ARID4B: variants seen among roughly 807,000 people sequenced by gnomAD.
The protein encoded by ARID4B is AT-rich interactive domain-containing protein 4B.
In ARID4B, 26 loss-of-function variants were observed where a neutral mutation model predicts 147.5. That is an observed-to-expected ratio of 0.18 (90% CI 0.13 to 0.24). The LOEUF is 0.24. ARID4B is among the 10% of genes least tolerant of loss of function. ARID4B has a pLI of 1.00. For missense variants in ARID4B, 1,179 were observed against 1,511.5 expected (o/e 0.78, Z 3.65); for synonymous variants, 512 against 507.9 (o/e 1.01, Z -0.11).
intron 12 of ARID4B, among the ~76,000 whole-genome samples, chr1:235,223,684 C>CGTTTTTTTTT (rs149769753): frequency 1.2e-4 from 14 of 117,148 alleles, no homozygotes; most frequent in Middle Eastern, 4.5e-3. Context: ...AGTAAAGCTA[C>CGTTTTTTTTT]ATTTTTTTTT....
chr1:235,223,139 A>G, intron 13 of ARID4B, 27 bp downstream of exon 13: 2 of 1,409,582 alleles, frequency 1.4e-6, no homozygotes, highest in Non-Finnish European at 2.0e-6. Context: ...CATGAAAAAG[A>G]TGTTTCAGTT....
Position 235,247,975 on chromosome 1 carries a change from C to T in ARID4B, c.355-1464G>A, listed in dbSNP as rs547182082. Among the ~76,000 whole-genome samples the T allele has an allele frequency of 1.7e-4, 26 of 152,066 alleles. No individual in the cohort carries two copies. In the East Asian group the frequency reaches 5.0e-3, roughly 29 times the overall value. ...TGCACTCCAGCCTGTGCAACAAGAGCGAAATTCCATCTCAAAAAATAAAAA... is the reference window on the plus strand; with the variant it reads ...TGCACTCCAGCCTGTGCAACAAGAGTGAAATTCCATCTCAAAAAATAAAAA... On this transcript the variant is annotated intron_variant, in intron 6 of 23. Transcript: ENST00000264183.
At chr1:235,184,727 A>G (rs968743185) in intron 19 of ARID4B, among the ~76,000 whole-genome samples, 4 of 152,234 alleles carry the variant, frequency 2.6e-5, no homozygotes, top group Non-Finnish European at 5.9e-5. Context: ...AAAACCAAAA[A>G]GAGGATAAAA....
At chr1:235,283,187 T>C (rs1407750665) in intron 2 of ARID4B, among the ~76,000 whole-genome samples, 1 of 152,190 alleles carries the variant, frequency 6.6e-6, no homozygotes, top group Admixed American at 6.5e-5. Context: ...TATTACCCAC[T>C]GGTATAAAAG....
chr1:235,183,694 A>G (rs1476354655), intron 19 of ARID4B, among the ~76,000 whole-genome samples: 1 of 151,762 alleles, frequency 6.6e-6, no homozygotes, highest in Non-Finnish European at 1.5e-5. Flanking sequence ...AAGCTACTGC[A>G]CCTGGCCTCT....
intron 11 of ARID4B, among the ~76,000 whole-genome samples, chr1:235,225,661 C>T (rs558337439): frequency 6.6e-6 from 1 of 152,270 alleles, no homozygotes; most frequent in South Asian, 2.1e-4. Context: ...TACAGCTAGG[C>T]TTTACAGTTA....
In ARID4B at chr1:235,172,723, G is replaced by C; in HGVS notation, c.3706C>G (p.Leu1236Val). 1 of 1,605,746 alleles carries C rather than the reference G, an allele frequency of 6.2e-7. No individual in the cohort carries two copies. The highest frequency in any genetic ancestry group is 1.1e-5 in the South Asian group (1 of 88,956). The stretch of plus-strand genomic sequence containing the variant: ...CTGATTTCTTGAAGTTTTTCTTGAA[G>C]AATTGTGATGCGTTCGGCACTTGTC... ...NMTSAERITI[L>V]QEKLQEIRKH... is the part of the protein sequence containing the mutation. Residue 1236 changes from leucine to valine, a missense_variant, in exon 23 of 24, where the codon CTT becomes GTT. Physicochemically the swap from Leu to Val is conservative, Grantham distance 32. Transcript: ENST00000264183.
chr1:235,237,982 C>A (rs1156336128), intron 8 of ARID4B, among the ~76,000 whole-genome samples: 1 of 151,756 alleles, frequency 6.6e-6, no homozygotes, highest in Non-Finnish European at 1.5e-5. Context: ...GAAACGCTGT[C>A]TCTACTAAAA....
intron 5 of ARID4B, among the ~76,000 whole-genome samples, chr1:235,253,928 A>G (rs1669795190): frequency 6.6e-6 from 1 of 152,158 alleles, no homozygotes; most frequent in South Asian, 2.1e-4. Context: ...TTAATGGTTA[A>G]AAGAAAGCCA....
chr1:235,198,816 G>A (rs1469835989), intron 17 of ARID4B, among the ~76,000 whole-genome samples: 1 of 152,130 alleles, frequency 6.6e-6, no homozygotes, highest in Non-Finnish European at 1.5e-5. Flanking sequence ...AAATTCTCAT[G>A]GGGCCGGGCG....
chr1:235,175,080 C>T, intron 22 of ARID4B, 104 bp downstream of exon 22: 1 of 1,035,664 alleles, frequency 9.7e-7, no homozygotes, highest in Non-Finnish European at 1.5e-6. Flanking sequence ...GCACTCCAGC[C>T]TGGTGACAGA....
At chr1:235,284,694 C>T (rs1319600556) in intron 2 of ARID4B, among the ~76,000 whole-genome samples, 1 of 152,058 alleles carries the variant, frequency 6.6e-6, no homozygotes, top group African/African-American at 2.4e-5. Context: ...ACTCATTCTA[C>T]AAAGCCAGCA....
Position 235,231,112 on chromosome 1 carries a change from C to T in ARID4B, c.742+1G>A, listed in dbSNP as rs1668199713. On this transcript the variant is annotated splice_donor_variant, in intron 10 of 23. Coordinates refer to ENST00000264183, the MANE Select transcript of ARID4B (RefSeq NM_016374.6). LOFTEE classifies it high-confidence loss of function. ...GTAATTTATTCCAAGATTATCCTTA[C>T]CTTGCTTTAAAACAGCATCAGGCTT... 2 of 1,566,326 alleles carry T rather than the reference C, an allele frequency of 1.3e-6. No individual in the cohort carries two copies. The highest frequency in any genetic ancestry group is 1.7e-6 in the Non-Finnish European group (2 of 1,155,034).
intron 7 of ARID4B, among the ~76,000 whole-genome samples, chr1:235,245,925 C>A (rs1330080544): frequency 1.3e-5 from 2 of 152,174 alleles, no homozygotes; most frequent in Non-Finnish European, 2.9e-5. Context: ...CAAACCCAGA[C>A]CAACTGGCTC....
At chr1:235,179,561 A>G (rs1247929460) in intron 20 of ARID4B, among the ~76,000 whole-genome samples, 1 of 150,396 alleles carries the variant, frequency 6.6e-6, no homozygotes, top group South Asian at 2.1e-4. Flanking sequence ...AAACCCAACA[A>G]AAAGAAAAAC....
chr1:235,253,770 C>G (rs568102327), intron 5 of ARID4B, among the ~76,000 whole-genome samples: 1 of 152,126 alleles, frequency 6.6e-6, no homozygotes, highest in African/African-American at 2.4e-5. Context: ...CCTTAGAAAT[C>G]ATGGGAAGAC....
chr1:235,220,206 G>T (rs1008700549), intron 15 of ARID4B, 96 bp downstream of exon 15: 6 of 1,102,154 alleles, frequency 5.4e-6, no homozygotes, highest in Non-Finnish European at 6.1e-6. Flanking sequence ...AAATAATAAA[G>T]AATAATATTA....
At chr1:235,187,239 A>G (rs2891013) in intron 19 of ARID4B, 93,912 of 201,372 alleles carry the variant, frequency 0.47, 22,489 homozygotes, top group South Asian at 0.58. Flanking sequence ...GTGCCACCAC[A>G]CCCGGCTAAC....
chr1:235,278,806 C>G (rs1186436835), intron 2 of ARID4B, among the ~76,000 whole-genome samples: 3 of 152,148 alleles, frequency 2.0e-5, no homozygotes, highest in African/African-American at 7.2e-5. Flanking sequence ...TATTCCTGTA[C>G]ATGGGAATTT....
Sources: gnomAD v4.1 joint callset for allele counts (sites outside exome capture counted in the v4.1 genomes callset) on GRCh38, gnomAD v4.1.1 for gene constraint, MANE v1.5 for transcripts, NCBI Gene and HGNC (gene_info 2026-07-23, HGNC 2026-07-21) for gene names.